The following DPP6 variants were observed in gnomAD, a reference collection of about 807,000 sequenced individuals.
DPP6 encodes the protein dipeptidyl peptidase like 6.
DPP6 carries 69 observed loss-of-function variants against 122.6 expected under a neutral mutation model. The ratio of observed to expected loss-of-function variants is 0.56; its 90% CI spans 0.46 to 0.69. The LOEUF is 0.69. Among genes scored for constraint, DPP6 ranks in the 30% least tolerant of loss-of-function variants. The pLI, the probability that DPP6 is intolerant of heterozygous loss-of-function variation, is 0.00. For missense variants in DPP6, 928 were observed against 1,116.9 expected (o/e 0.83, Z 2.41); for synonymous variants, 418 against 433.1 (o/e 0.97, Z 0.43).
chr7:154,460,406 C>T (rs1407877902), intron 2 of DPP6, among the ~76,000 whole-genome samples: 1 of 152,176 alleles, frequency 6.6e-6, no homozygotes, highest in East Asian at 1.9e-4. Flanking sequence ...AGTTACAAAA[C>T]CTATAATGCT....
intron 1 of DPP6, among the ~76,000 whole-genome samples, chr7:154,135,809 C>A (rs1440021529): frequency 6.6e-6 from 1 of 151,668 alleles, no homozygotes; most frequent in East Asian, 2.0e-4. Context: ...TCTGTGAGCC[C>A]ATGCTTCCTC....
chr7:154,293,996 A>C (rs1169661661), intron 1 of DPP6, among the ~76,000 whole-genome samples: 3 of 152,162 alleles, frequency 2.0e-5, no homozygotes, highest in East Asian at 3.9e-4. Context: ...TGGAGTCCCT[A>C]CTAGATGTCC....
In DPP6 at chr7:154,282,639, G is replaced by A. The variant is rs186157718; in HGVS notation, c.244-163575G>A. 2.5e-4 allele frequency among the ~76,000 whole-genome samples: 38 copies of A among 152,220 alleles called. 1 individual carries two copies. Among genetic ancestry groups the A allele is most frequent in the African/African-American group, 7.5e-4 (31 of 41,538 alleles). Reference sequence around the variant, plus strand: ...GTCTCCTTTGAGTTGCTATCAAATCGCATATGTTGCATGCTTACTTGAAAG... The same window carrying A: ...GTCTCCTTTGAGTTGCTATCAAATCACATATGTTGCATGCTTACTTGAAAG... On this transcript the variant is annotated intron_variant, in intron 1 of 25. Transcript: ENST00000377770. The surrounding 1 kb of genome is among the most constrained non-coding windows in gnomAD (Gnocchi z 4.8).
At chr7:154,668,197 T>TATATATATATATATATATATATATATA (rs1838288618) in intron 6 of DPP6, among the ~76,000 whole-genome samples, 17 of 36,482 alleles carry the variant, frequency 4.7e-4, no homozygotes, top group Non-Finnish European at 6.9e-4. Flanking sequence ...TGTGTATATT[T>TATATATATATATATATATATATATATA]TATATATATA....
At chr7:154,537,685 C>T (rs894807146) in intron 3 of DPP6, among the ~76,000 whole-genome samples, 4 of 140,456 alleles carry the variant, frequency 2.8e-5, no homozygotes, top group Non-Finnish European at 4.5e-5. Flanking sequence ...AGTGAAACTC[C>T]GTCAAAAAAA....
chr7:154,828,471 A>G (rs1382713549), intron 16 of DPP6, among the ~76,000 whole-genome samples: 1 of 151,570 alleles, frequency 6.6e-6, no homozygotes, highest in Non-Finnish European at 1.5e-5. Flanking sequence ...TCTTGTTCTC[A>G]AAAACTTAAA....
intron 1 of DPP6, among the ~76,000 whole-genome samples, chr7:154,060,327 GGA>G (rs1801568506): frequency 1.6e-5 from 2 of 124,906 alleles, no homozygotes; most frequent in Non-Finnish European, 3.5e-5. Flanking sequence ...CCCCATCGCA[GGA>G]GGGGGAGGCA....
At chr7:154,810,595 A>C (rs1323686054) in intron 16 of DPP6, among the ~76,000 whole-genome samples, 3 of 152,218 alleles carry the variant, frequency 2.0e-5, no homozygotes, top group Non-Finnish European at 2.9e-5. Flanking sequence ...AGATGACTCC[A>C]TAGTTGATAC....
At chr7:154,411,700 G>A (rs571541512) in intron 1 of DPP6, among the ~76,000 whole-genome samples, 3 of 152,202 alleles carry the variant, frequency 2.0e-5, no homozygotes, top group South Asian at 2.1e-4. Context: ...TAGGCTCAAC[G>A]ATACTTCTTG....
At chr7:154,305,340 ACCCT>A in intron 1 of DPP6, 3 of 197,146 alleles carry the variant, frequency 1.5e-5, no homozygotes, top group Admixed American at 1.8e-4. Context: ...TTGTCTACCC[ACCCT>A]CCCTCCCCCA....
chr7:154,686,436 C>A (rs1839608983), intron 7 of DPP6, among the ~76,000 whole-genome samples: 1 of 147,622 alleles, frequency 6.8e-6, no homozygotes, highest in Non-Finnish European at 1.5e-5. Context: ...TTTGGCAATG[C>A]ACAGAAGCTG....
chr7:154,807,220 C>A (rs1008273685), intron 16 of DPP6, 108 bp downstream of exon 16: 23 of 1,460,358 alleles, frequency 1.6e-5, no homozygotes, highest in African/African-American at 1.1e-4. Flanking sequence ...GGGAGCACAG[C>A]GTATTCCAGA....
At chr7:154,531,192 G>A (rs1483643680) in intron 3 of DPP6, among the ~76,000 whole-genome samples, 1 of 152,044 alleles carries the variant, frequency 6.6e-6, no homozygotes, top group African/African-American at 2.4e-5. Flanking sequence ...TAAAATAAAA[G>A]TTGAAGGAAA....
intron 1 of DPP6, among the ~76,000 whole-genome samples, chr7:153,986,135 T>G (rs965035439): frequency 9.2e-5 from 14 of 152,374 alleles, no homozygotes; most frequent in African/African-American, 3.4e-4. Context: ...CCTACATCCC[T>G]TCTGATGAAA....
chr7:154,391,653 T>C (rs1474041205), intron 1 of DPP6, among the ~76,000 whole-genome samples: 1 of 152,214 alleles, frequency 6.6e-6, no homozygotes, highest in East Asian at 1.9e-4. Flanking sequence ...ATGAAGCCCC[T>C]GCTTCTAGCC....
rs373582693 is a variant in DPP6, at chr7:154,129,510, G to C, written c.243+76447G>C. ...AGGCACGGTGGCAAACACCTGTAAT[G>C]CCAGCACTTTGGCAGGCTGAGATAG... On this transcript the variant is annotated intron_variant, in intron 1 of 25. Transcript: ENST00000377770. Among the ~76,000 whole-genome samples the C allele has an allele frequency of 6.4e-3, 969 of 152,272 alleles. 15 individuals carry two copies. Among genetic ancestry groups the C allele is most frequent in the African/African-American group, 0.022 (916 of 41,550 alleles).
At chr7:154,507,377 G>A (rs1015785771) in intron 3 of DPP6, among the ~76,000 whole-genome samples, 24 of 151,952 alleles carry the variant, frequency 1.6e-4, no homozygotes, top group African/African-American at 3.6e-4. Context: ...CCATCAACCC[G>A]TCATCTATGT....
intron 10 of DPP6, among the ~76,000 whole-genome samples, chr7:154,789,795 G>T (rs183777140): frequency 6.6e-6 from 1 of 152,176 alleles, no homozygotes; most frequent in African/African-American, 2.4e-5. Flanking sequence ...TCGCTGCCTC[G>T]CAAGGTGCCT....
chr7:154,064,757 C>T (rs1379687531), intron 1 of DPP6, among the ~76,000 whole-genome samples: 1 of 152,164 alleles, frequency 6.6e-6, no homozygotes, highest in East Asian at 1.9e-4. Context: ...CAGAGGCATG[C>T]TCTCTCCCAG....
Sources: allele counts gnomAD v4.1 joint callset (sites outside exome capture counted in the v4.1 genomes callset), GRCh38; gene constraint gnomAD v4.1.1; non-coding constraint Gnocchi (gnomAD v3.1); transcripts MANE v1.5; gene names NCBI Gene and HGNC (gene_info 2026-07-23, HGNC 2026-07-21).